The following TRPM7 variants were observed in gnomAD, a reference collection of about 807,000 sequenced individuals.
TRPM7 encodes LTRPC ion channel family member 7.
Under a neutral mutation model 229.7 loss-of-function variants are expected in TRPM7, and 134 were observed. The ratio of observed to expected loss-of-function variants is 0.58; its 90% CI spans 0.51 to 0.67. The LOEUF (loss-of-function observed/expected upper bound fraction) is 0.67. Among genes scored for constraint, TRPM7 ranks in the 30% least tolerant of loss-of-function variants. The probability of loss-of-function intolerance (pLI) is 0.00; values close to 1 mark genes in which losing one functional copy is unlikely to be tolerated. For synonymous variants in TRPM7, 699 were observed against 715.2 expected, an observed-to-expected ratio of 0.98 and a Z score of 0.36; for missense variants, 1,901 against 2,210.0, an observed-to-expected ratio of 0.86 and a Z score of 2.80.
At chr15:50,644,366 G>T (rs2061196293) in intron 4 of TRPM7, among the ~76,000 whole-genome samples, 1 of 152,164 alleles carries the variant, frequency 6.6e-6, no homozygotes, top group Admixed American at 6.5e-5. Flanking sequence ...GCACATATAT[G>T]AAGTAGCTCA....
At position 50,574,868 on chromosome 15, in the gene TRPM7, A is replaced by G; in HGVS notation, c.5003T>C (p.Leu1668Pro). The G allele has an allele frequency of 6.2e-7, 1 of 1,612,170 alleles. No individual in the cohort carries two copies. The highest frequency in any genetic ancestry group is 8.5e-7 in the Non-Finnish European group (1 of 1,178,782). The change falls in exon 34 of 39, where the codon CTG becomes CCG. Residue 1668 changes from leucine to proline, a missense_variant. Physicochemically the swap from Leu to Pro is moderately conservative, Grantham distance 98. Coordinates refer to ENST00000646667, the MANE Select transcript of TRPM7 (RefSeq NM_017672.6). Reference sequence around the variant, plus strand: ...GACACTTACTCTCAGACAGAGATGCAGAACTGTATCTTCTTTGTAAATACT... The same window carrying G: ...GACACTTACTCTCAGACAGAGATGCGGAACTGTATCTTCTTTGTAAATACT... ...WSSIYKEDTV[L>P]HLCLREIQQQ...
At chr15:50,604,751 C>A (rs1206207369) in intron 21 of TRPM7, 115 bp downstream of exon 21, 2 of 1,093,824 alleles carry the variant, frequency 1.8e-6, no homozygotes, top group Non-Finnish European at 2.6e-6. Flanking sequence ...ATGAGGCAAA[C>A]AAACACAAAA....
chr15:50,626,937 GT>G (rs61434189), intron 11 of TRPM7, among the ~76,000 whole-genome samples: 4,399 of 152,174 alleles, frequency 0.029, 233 homozygotes, highest in African/African-American at 0.1. Context: ...ATGCATGAAT[GT>G]TTGTACATTC....
intron 21 of TRPM7, among the ~76,000 whole-genome samples, chr15:50,599,995 A>T (rs2059732847): frequency 1.3e-5 from 2 of 152,258 alleles, no homozygotes; most frequent in Non-Finnish European, 2.9e-5. Flanking sequence ...TTTCATTGTT[A>T]AATTACAATG....
At chr15:50,633,032 C>T (rs2060784332) in intron 8 of TRPM7, 40 bp from the exon 9 acceptor site, 2 of 1,548,956 alleles carry the variant, frequency 1.3e-6, no homozygotes, top group African/African-American at 1.4e-5. Context: ...TTTCATCTTC[C>T]ATTATTTGTA....
At chr15:50,678,506 T>TAAAAAAAA (rs10553093) in intron 1 of TRPM7, among the ~76,000 whole-genome samples, 1 of 128,742 alleles carries the variant, frequency 7.8e-6, no homozygotes, top group African/African-American at 3.0e-5. Context: ...TTCCATTCTT[T>TAAAAAAAA]AAAAAAAAAA....
chr15:50,571,558 G>A (rs1483976749), intron 36 of TRPM7, among the ~76,000 whole-genome samples: 2 of 143,308 alleles, frequency 1.4e-5, no homozygotes, highest in Admixed American at 7.5e-5. Context: ...ATGATATATC[G>A]TTAGGCAGAA....
intron 11 of TRPM7, among the ~76,000 whole-genome samples, chr15:50,625,087 T>C (rs1008618219): frequency 2.0e-5 from 3 of 152,230 alleles, no homozygotes; most frequent in Non-Finnish European, 4.4e-5. Flanking sequence ...AAATCAAATA[T>C]TGGTAAATTA....
At chr15:50,571,428 G>A (rs1016335536) in intron 36 of TRPM7, among the ~76,000 whole-genome samples, 3 of 152,210 alleles carry the variant, frequency 2.0e-5, no homozygotes, top group Admixed American at 2.0e-4. Flanking sequence ...AGCACTGTTT[G>A]TAGAAGCAAA....
At chr15:50,627,560 C>G (rs2060602537) in intron 11 of TRPM7, among the ~76,000 whole-genome samples, 1 of 152,146 alleles carries the variant, frequency 6.6e-6, no homozygotes, top group African/African-American at 2.4e-5. Context: ...CTGGGTTATG[C>G]TCTGAATAAA....
At chr15:50,574,097 G>C (rs2054022983) in intron 36 of TRPM7, among the ~76,000 whole-genome samples, 177 bp downstream of exon 36, 1 of 152,098 alleles carries the variant, frequency 6.6e-6, no homozygotes, top group Admixed American at 6.6e-5. Context: ...AAGATAGCCA[G>C]ATTCTATTAC....
chr15:50,667,732 GAAAT>G (rs1567116317), intron 1 of TRPM7, among the ~76,000 whole-genome samples: 1 of 152,038 alleles, frequency 6.6e-6, no homozygotes, highest in Non-Finnish European at 1.5e-5. Flanking sequence ...ATTTAAATAA[GAAAT>G]AATAAAATAA....
chr15:50,592,043 G>C lies in TRPM7; in HGVS notation c.4192C>G (p.Pro1398Ala). 1.9e-6 allele frequency: 3 copies of C among 1,613,416 alleles called. No individual in the cohort carries two copies. The highest frequency in any genetic ancestry group is 2.5e-6 in the Non-Finnish European group (3 of 1,179,760). ...GGTGTACTAACAAAAAATTTGGTTG[G>C]TGGGGATGACAGATGTGGTATGCTA... ...STSIPHLSSPPTKFFVSTPSQ... is the reference protein window; with the variant it reads ...STSIPHLSSPATKFFVSTPSQ... Residue 1398 changes from proline (P) to alanine (A), a missense_variant, in exon 26 of 39, where the codon CCA becomes GCA. Transcript: ENST00000646667.
At chr15:50,584,729 C>CA (rs1394324324) in intron 28 of TRPM7, among the ~76,000 whole-genome samples, 1 of 151,600 alleles carries the variant, frequency 6.6e-6, no homozygotes, top group Non-Finnish European at 1.5e-5. Context: ...AGTCAGTACT[C>CA]AAAAATTTTG....
chr15:50,565,073 T>C (rs1255291520), intron 38 of TRPM7, among the ~76,000 whole-genome samples: 1 of 151,836 alleles, frequency 6.6e-6, no homozygotes, highest in East Asian at 1.9e-4. Flanking sequence ...CCTGTGCCTC[T>C]CGGGTTCAAG....
At chr15:50,616,733 T>C (rs1455832619) in intron 13 of TRPM7, among the ~76,000 whole-genome samples, 1 of 151,452 alleles carries the variant, frequency 6.6e-6, no homozygotes, top group African/African-American at 2.4e-5. Context: ...CAGGCTGGAG[T>C]GCAATGGCAC....
At position 50,578,605 on chromosome 15, in the gene TRPM7, T is replaced by C. The variant is rs371553148; in HGVS notation, c.4618+34A>G. ...TGTAACAGATCATGTAAGATTCTCATTTTTTTCACGTTCAATCTACCACAC... is the reference window on the plus strand; with the variant it reads ...TGTAACAGATCATGTAAGATTCTCACTTTTTTCACGTTCAATCTACCACAC... On this transcript the variant is annotated intron_variant, in intron 31 of 38. Transcript: ENST00000646667. 10 of 1,599,082 alleles carry C rather than the reference T, an allele frequency of 6.3e-6. No individual in the cohort carries two copies. In the Middle Eastern group the frequency reaches 6.6e-4, roughly 106 times the overall value.
At chr15:50,655,490 C>T (rs538386259) in intron 3 of TRPM7, among the ~76,000 whole-genome samples, 4 of 145,868 alleles carry the variant, frequency 2.7e-5, no homozygotes, top group Admixed American at 7.0e-5. Flanking sequence ...AAAATTTGAA[C>T]GTGCAAATAT....
chr15:50,638,165 C>A (rs1306185781), intron 6 of TRPM7, among the ~76,000 whole-genome samples: 1 of 151,418 alleles, frequency 6.6e-6, no homozygotes, highest in Non-Finnish European at 1.5e-5. Context: ...CGAGACCATC[C>A]TGGCTAACAC....
Sources: allele counts gnomAD v4.1 joint callset (sites outside exome capture counted in the v4.1 genomes callset), GRCh38; gene constraint gnomAD v4.1.1; transcripts MANE v1.5; gene names NCBI Gene and HGNC (gene_info 2026-07-23, HGNC 2026-07-21).